TYMS: variants seen among roughly 807,000 people sequenced by gnomAD.
TYMS encodes the protein thymidylate synthase.
Under a neutral mutation model 39.3 loss-of-function variants are expected in TYMS, and 21 were observed. The observed-to-expected ratio is 0.54, with a 90% CI of 0.38 to 0.77. TYMS has a LOEUF of 0.77. Among genes scored for constraint, TYMS ranks in the 30% least tolerant of loss-of-function variants. The pLI is 0.00. For missense variants in TYMS, 273 were observed against 406.7 expected, an observed-to-expected ratio of 0.67 and a Z score of 2.83; for synonymous variants, 171 against 162.2, an observed-to-expected ratio of 1.05 and a Z score of -0.41.
At position 660,472 on chromosome 18, in the gene TYMS, A is replaced by C. The variant is rs1414236059; in HGVS notation, c.279+758A>C. Among the ~76,000 whole-genome samples the C allele has an allele frequency of 6.6e-6, 1 of 152,202 alleles. No individual in the cohort carries two copies. The highest frequency in any genetic ancestry group is 2.4e-5 in the African/African-American group (1 of 41,448). On this transcript the variant is annotated intron_variant, in intron 2 of 6. Coordinates refer to ENST00000323274, the MANE Select transcript of TYMS (RefSeq NM_001071.4). The surrounding 1 kb of genome is among the most constrained non-coding windows in gnomAD (Gnocchi z 4.6). ...AGGTAGTAAAAGTGAAATGTGCTGTAAGCTTTATGAGGGCAGAGGATTTGT... is the reference window on the plus strand; with the variant it reads ...AGGTAGTAAAAGTGAAATGTGCTGTCAGCTTTATGAGGGCAGAGGATTTGT...
Position 673,050 on chromosome 18 carries a change from G to A in TYMS, c.*53G>A. ...TTGTCAGTCTTTAGGGGTTGGGCTG[G>A]ATGCCGAGGTAAAAGTTCTTTTTGC... On this transcript the variant is annotated 3_prime_UTR_variant, in exon 7 of 7. Transcript: ENST00000323274. 1.4e-6 allele frequency: 2 copies of A among 1,444,094 alleles called. No homozygotes were observed. Among genetic ancestry groups the A allele is most frequent in the African/African-American group, 1.4e-5 (1 of 71,528 alleles). The allele number at this position is 1,444,094 out of a possible 1,614,324, so 89.5% of individuals were successfully genotyped here.
chr18:659,550 T>TC (rs2074734784), intron 1 of TYMS, 91 bp from the exon 2 acceptor site: 1 of 1,101,930 alleles, frequency 9.1e-7, no homozygotes, highest in Non-Finnish European at 1.4e-6. Context: ...CTCCAGGGCC[T>TC]CACGTCCCAG....
chr18:667,137 T>A (rs200205499), intron 3 of TYMS, among the ~76,000 whole-genome samples: 45 of 61,068 alleles, frequency 7.4e-4, no homozygotes, highest in South Asian at 2.2e-3. Flanking sequence ...ATGGAGATGG[T>A]GATGGTGATG....
At position 658,114 on chromosome 18, in the gene TYMS, G is replaced by A; in HGVS notation, c.205+167G>A. 1 of 1,587,530 alleles carries A rather than the reference G, an allele frequency of 6.3e-7. No individual in the cohort carries two copies. The highest frequency in any genetic ancestry group is 8.5e-7 in the Non-Finnish European group (1 of 1,170,586). On this transcript the variant is annotated intron_variant, in intron 1 of 6. Transcript: ENST00000323274. This position sits in a 1 kb window ranked among gnomAD's most constrained non-coding sequence, Gnocchi z 4.5. ...CGCCTTACAGACGCCGAAACGGAGG[G>A]TCCCATTAGGGACGTGACTGGCGCG...
rs934691212 is a variant in TYMS at position 660,515 on chromosome 18, G to A, written c.279+801G>A. On this transcript the variant is annotated intron_variant, in intron 2 of 6. Coordinates refer to ENST00000323274, the MANE Select transcript of TYMS (RefSeq NM_001071.4). The surrounding 1 kb of genome is among the most constrained non-coding windows in gnomAD (Gnocchi z 4.6). ...GGATTTGTTTCTCGTGTTCACTGTT[G>A]TATCGCCAGGGCCTCAAACACAGCC... 6.6e-6 allele frequency among the ~76,000 whole-genome samples: 1 copy of A among 152,170 alleles called. No individual in the cohort carries two copies. Among genetic ancestry groups the A allele is most frequent in the Non-Finnish European group, 1.5e-5 (1 of 68,044 alleles).
chr18:665,546 C>A (rs1306159317), intron 3 of TYMS, among the ~76,000 whole-genome samples: 1 of 122,442 alleles, frequency 8.2e-6, no homozygotes, highest in South Asian at 2.8e-4. Context: ...TTATTTCTTG[C>A]CTTCTGCTAG....
chr18:669,216 T>C, intron 4 of TYMS, 43 bp downstream of exon 4: 1 of 1,560,420 alleles, frequency 6.4e-7, no homozygotes, highest in Non-Finnish European at 8.8e-7. Flanking sequence ...AACCATACTC[T>C]TAGAGGGAAG....
In TYMS at chr18:667,282, ATGGTGATGGAGATGGT is replaced by A. The variant is rs2074862554; in HGVS notation, c.455-1789_455-1774del. ...TGATGGAGATGGTGATGGTGATGGG[ATGGTGATGGAGATGGT>A]GATGGTGATGGTGATGGAGATGGTG... is the stretch of plus-strand genomic sequence containing the variant. On this transcript the variant is annotated intron_variant, in intron 3 of 6. Coordinates refer to ENST00000323274, the MANE Select transcript of TYMS (RefSeq NM_001071.4). 2.1e-4 allele frequency among the ~76,000 whole-genome samples: 5 copies of A among 23,496 alleles called. 1 individual carries two copies. The highest frequency in any genetic ancestry group is 3.6e-4 in the Admixed American group (1 of 2,802). The allele number at this position is 23,496 out of a possible 152,430, so 15.4% of individuals were successfully genotyped here.
chr18:669,346 C>A, intron 4 of TYMS, 173 bp downstream of exon 4: 14 of 490,238 alleles, frequency 2.9e-5, no homozygotes, highest in Non-Finnish European at 4.8e-5. Context: ...ACCTTCAGAT[C>A]ATGAGGTTGG....
intron 3 of TYMS, among the ~76,000 whole-genome samples, chr18:666,311 A>T (rs1236464558): frequency 6.6e-6 from 1 of 151,834 alleles, no homozygotes; most frequent in Non-Finnish European, 1.5e-5. Flanking sequence ...TTGTGGCTTT[A>T]ATCTCCCTTT....
At chr18:666,798 T>C (rs1427420788) in intron 3 of TYMS, among the ~76,000 whole-genome samples, 2 of 152,270 alleles carry the variant, frequency 1.3e-5, no homozygotes, top group African/African-American at 4.8e-5. Context: ...GAAAGTGGAA[T>C]GCTAGTTTCC....
Position 666,900 on chromosome 18 carries a change from T to C in TYMS, c.455-2172T>C, listed in dbSNP as rs530034357. On this transcript the variant is annotated intron_variant, in intron 3 of 6. Coordinates refer to ENST00000323274, the MANE Select transcript of TYMS (RefSeq NM_001071.4). ...GACGAAAAAGTTCGGGAGATGGTGA[T>C]GGAGATGGTGATGGTGATGGAGATG... Among the ~76,000 whole-genome samples, 12 of 38,850 alleles carry C rather than the reference T, an allele frequency of 3.1e-4. 2 individuals are homozygous for C. Among genetic ancestry groups the C allele is most frequent in the African/African-American group, 1.2e-3 (11 of 9,416 alleles). The allele number at this position is 38,850 out of a possible 152,430, so 25.5% of individuals were successfully genotyped here. A position where few individuals can be genotyped will look rare whatever the true frequency, so the allele number is the denominator to read the frequency against.
At position 657,846 on chromosome 18, in the gene TYMS, G is replaced by A. The variant is rs1186795888; in HGVS notation, c.104G>A (p.Gly35Glu). Residue 35 changes from glycine to glutamate, a missense_variant, in exon 1 of 7, where the codon GGG (glycine) becomes GAG (glutamate). By Grantham distance (98) the Gly-to-Glu change is moderately conservative. Transcript: ENST00000323274. ...RPPHGELQYL[G>E]QIQHILRCGV... ...CCGCACGGGGAGCTGCAGTACCTGG[G>A]GCAGATCCAACACATCCTCCGCTGC... 1.3e-6 allele frequency: 2 copies of A among 1,508,036 alleles called. No individual in the cohort carries two copies. Among genetic ancestry groups the A allele is most frequent in the Non-Finnish European group, 1.8e-6 (2 of 1,137,142 alleles). The allele number at this position is 1,508,036 out of a possible 1,614,324, so 93.4% of individuals were successfully genotyped here.
chr18:672,814 C>T (rs200472936), intron 6 of TYMS, 46 bp from the exon 7 acceptor site: 87 of 1,528,748 alleles, frequency 5.7e-5, no homozygotes, highest in Admixed American at 5.4e-5. Context: ...GCAATTACAA[C>T]AGGTCGTACA....
intron 3 of TYMS, among the ~76,000 whole-genome samples, chr18:664,750 G>C (rs1398852068): frequency 2.0e-5 from 3 of 150,420 alleles, no homozygotes; most frequent in Non-Finnish European, 4.4e-5. Context: ...TTTGTCAAAG[G>C]CCTTTTCTGC....
chr18:670,989 G>GT (rs1379928586), intron 5 of TYMS, 122 bp downstream of exon 5: 6 of 1,243,164 alleles, frequency 4.8e-6, no homozygotes, highest in Non-Finnish European at 6.6e-6. Context: ...ATATGTGTAA[G>GT]TAAGAAATGA....
At chr18:659,586 T>G (rs2074735237) in intron 1 of TYMS, 55 bp from the exon 2 acceptor site, 1 of 1,474,790 alleles carries the variant, frequency 6.8e-7, no homozygotes, top group Non-Finnish European at 9.5e-7. Context: ...TGAAGAAAGT[T>G]GGATGGCATG....
intron 3 of TYMS, among the ~76,000 whole-genome samples, chr18:664,622 T>G (rs1216542778): frequency 7.1e-6 from 1 of 140,842 alleles, no homozygotes; most frequent in Non-Finnish European, 1.5e-5. Context: ...GCTTCCAGTT[T>G]TTGCCCATTC....
At position 669,102 on chromosome 18, in the gene TYMS, A is replaced by G. The variant is rs773099801; in HGVS notation, c.485A>G (p.Gln162Arg). 6.2e-7 allele frequency: 1 copy of G among 1,614,230 alleles called. No homozygotes were observed. The highest frequency in any genetic ancestry group is 8.5e-7 in the Non-Finnish European group (1 of 1,180,020). ...DYSGQGVDQL[Q>R]RVIDTIKTNP... ...TCAGGACAGGGAGTTGACCAACTGC[A>G]AAGAGTGATTGACACCATCAAAACC... is the stretch of plus-strand genomic sequence containing the variant. Residue 162 changes from glutamine (Q) to arginine (R), a missense_variant, in exon 4 of 7, where the codon CAA becomes CGA. Gln to Arg is a conservative substitution (Grantham distance 43, BLOSUM62 1). Around this residue, in one of 3 missense-constraint regions of TYMS, gnomAD observed 228 missense variants for 326.1 expected, o/e 0.70. Coordinates refer to ENST00000323274, the MANE Select transcript of TYMS (RefSeq NM_001071.4).
Sources: gnomAD v4.1 joint callset for allele counts (sites outside exome capture counted in the v4.1 genomes callset) on GRCh38, gnomAD v4.1.1 for gene constraint, gnomAD v4.1.1 regional missense constraint, Gnocchi (gnomAD v3.1) non-coding constraint, MANE v1.5 for transcripts, NCBI Gene and HGNC (gene_info 2026-07-23, HGNC 2026-07-21) for gene names.